The following RBFOX1 variants were observed in gnomAD, a reference collection of about 807,000 sequenced individuals.
The protein encoded by RBFOX1 is RNA binding fox-1 homolog 1, also known as RNA binding protein fox-1 homolog 1.
RBFOX1 carries 8 observed loss-of-function variants against 57.7 expected under a neutral mutation model. The ratio of observed to expected loss-of-function variants is 0.14; its 90% CI spans 0.08 to 0.25. RBFOX1 has a LOEUF of 0.25. Among genes scored for constraint, RBFOX1 ranks in the 10% least tolerant of loss-of-function variants. The probability of loss-of-function intolerance (pLI) is 1.00; values close to 1 mark genes in which losing one functional copy is unlikely to be tolerated. For missense variants in RBFOX1, 611 were observed against 548.5 expected, an observed-to-expected ratio of 1.11 and a Z score of -1.14; for synonymous variants, 326 against 222.4, an observed-to-expected ratio of 1.47 and a Z score of -4.15.
intron 5 of RBFOX1, among the ~76,000 whole-genome samples, chr16:7,542,470 C>A (rs996397526): frequency 6.6e-6 from 1 of 151,030 alleles, no homozygotes; most frequent in Non-Finnish European, 1.5e-5. Flanking sequence ...GGGAAAGAGG[C>A]AAAATAAATT....
chr16:5,579,117 G>A (rs574949072), intron 2 of RBFOX1, among the ~76,000 whole-genome samples: 2 of 152,104 alleles, frequency 1.3e-5, no homozygotes, highest in African/African-American at 4.8e-5. Context: ...CAAAGTGCTG[G>A]GATTAGAGGC....
At chr16:7,030,679 C>T (rs537399497) in intron 3 of RBFOX1, among the ~76,000 whole-genome samples, 8 of 152,284 alleles carry the variant, frequency 5.3e-5, no homozygotes, top group African/African-American at 1.9e-4. Context: ...TTATTTACAT[C>T]TGTAAAGACT....
intron 2 of RBFOX1, among the ~76,000 whole-genome samples, chr16:6,564,758 A>T (rs920393239): frequency 1.9e-4 from 29 of 152,254 alleles, no homozygotes; most frequent in African/African-American, 5.5e-4. Context: ...AATTTATTTG[A>T]TTGCGGTAAT....
chr16:5,925,034 T>C (rs536784310), intron 4 of RBFOX1, among the ~76,000 whole-genome samples: 5 of 152,296 alleles, frequency 3.3e-5, no homozygotes, highest in East Asian at 3.9e-4. Flanking sequence ...TGATGCCTTT[T>C]AGCACAGACA....
intron 2 of RBFOX1, among the ~76,000 whole-genome samples, chr16:5,512,362 C>A (rs113060518): frequency 1.3e-5 from 2 of 152,000 alleles, no homozygotes; most frequent in Admixed American, 1.3e-4. Flanking sequence ...TTCCCTCCCT[C>A]CCTCCTTTCT....
intron 4 of RBFOX1, among the ~76,000 whole-genome samples, chr16:7,362,314 GTGTGTGTATGTTT>G (rs1048617460): frequency 8.6e-5 from 13 of 151,338 alleles, no homozygotes; most frequent in South Asian, 4.2e-4. Flanking sequence ...GTTTGCGTGT[GTGTGTGTATGTTT>G]TGTGTGTATG....
chr16:7,335,557 C>T (rs895441372), intron 4 of RBFOX1, among the ~76,000 whole-genome samples: 5 of 145,064 alleles, frequency 3.4e-5, no homozygotes, highest in Admixed American at 7.2e-5. Context: ...AGACCAGCAT[C>T]GCCCTGTTTT....
intron 3 of RBFOX1, among the ~76,000 whole-genome samples, chr16:5,661,255 T>C (rs2049638106): frequency 6.6e-6 from 1 of 152,220 alleles, no homozygotes; most frequent in Non-Finnish European, 1.5e-5. Context: ...CAATGAGTAA[T>C]ATGACATACG....
chr16:6,535,537 G>C (rs1347900574), intron 2 of RBFOX1, among the ~76,000 whole-genome samples: 1 of 152,140 alleles, frequency 6.6e-6, no homozygotes, highest in Non-Finnish European at 1.5e-5. Context: ...CACATGTCAG[G>C]TTTATTCGTC....
At chr16:6,924,208 C>G (rs1330509513) in intron 3 of RBFOX1, among the ~76,000 whole-genome samples, 1 of 149,124 alleles carries the variant, frequency 6.7e-6, no homozygotes, top group Non-Finnish European at 1.5e-5. Context: ...ATAATGCCAC[C>G]TGAAACTGGG....
chr16:5,269,935 G>C (rs1485453455), intron 1 of RBFOX1, among the ~76,000 whole-genome samples: 1 of 152,120 alleles, frequency 6.6e-6, no homozygotes, highest in Non-Finnish European at 1.5e-5. Flanking sequence ...TGGGAGGATT[G>C]CTTGAGGCCA....
intron 4 of RBFOX1, among the ~76,000 whole-genome samples, chr16:7,507,887 A>G (rs67492321): frequency 6.7e-6 from 1 of 150,158 alleles, no homozygotes. Flanking sequence ...TTAAAAGAAT[A>G]CATAAGGAGC....
intron 3 of RBFOX1, among the ~76,000 whole-genome samples, chr16:6,739,820 T>A (rs1403791404): frequency 6.6e-6 from 1 of 152,058 alleles, no homozygotes; most frequent in African/African-American, 2.4e-5. Flanking sequence ...GAGGTTGCAG[T>A]GAGCCAAGAT....
intron 2 of RBFOX1, among the ~76,000 whole-genome samples, chr16:6,391,390 G>T (rs1209126108): frequency 6.6e-6 from 1 of 151,846 alleles, no homozygotes; most frequent in Non-Finnish European, 1.5e-5. Flanking sequence ...GGCACCTGTA[G>T]TCCCAGCTAC....
In RBFOX1 at chr16:6,232,168, T is replaced by C. The variant is rs962833669; in HGVS notation, c.-126-84827T>C. Among the ~76,000 whole-genome samples, 4 of 152,180 alleles carry C rather than the reference T, an allele frequency of 2.6e-5. No homozygotes were observed. The South Asian group carries it at 8.3e-4, about 31-fold the overall frequency. ...TCATTTTGCAAGGGCAGCAGCATAA[T>C]TGGACACAGTGGGGAAACAGCAGAG... On this transcript the variant is annotated intron_variant, in intron 1 of 15. Transcript: ENST00000550418.
chr16:6,243,142 G>GTC (rs201374294), intron 1 of RBFOX1, among the ~76,000 whole-genome samples: 1 of 151,038 alleles, frequency 6.6e-6, no homozygotes, highest in Non-Finnish European at 1.5e-5. Context: ...TTATACGTGT[G>GTC]TCTGTGTGTG....
intron 5 of RBFOX1, among the ~76,000 whole-genome samples, chr16:7,547,051 T>C (rs1365062128): frequency 6.6e-6 from 1 of 151,838 alleles, no homozygotes; most frequent in East Asian, 1.9e-4. Flanking sequence ...TCCTGTCTCC[T>C]GCACTCACAC....
At chr16:5,767,133 C>G (rs1179827778) in intron 3 of RBFOX1, among the ~76,000 whole-genome samples, 2 of 152,186 alleles carry the variant, frequency 1.3e-5, no homozygotes, top group Non-Finnish European at 2.9e-5. Context: ...GAGCCCCTAC[C>G]TAGGGCCGGG....
At chr16:6,935,933 C>G (rs58371891) in intron 3 of RBFOX1, among the ~76,000 whole-genome samples, 19 of 152,114 alleles carry the variant, frequency 1.2e-4, no homozygotes, top group Non-Finnish European at 2.6e-4. Context: ...GGGGACCAAT[C>G]TGTGCCGATG....
Sources: allele counts gnomAD v4.1 joint callset (sites outside exome capture counted in the v4.1 genomes callset), GRCh38; gene constraint gnomAD v4.1.1; transcripts MANE v1.5; gene names NCBI Gene and HGNC (gene_info 2026-07-23, HGNC 2026-07-21).